CDH13: variants seen among roughly 807,000 people sequenced by gnomAD.
CDH13 encodes the protein cadherin 13.
In CDH13, 24 loss-of-function variants were observed where a neutral mutation model predicts 63.8. That is an observed-to-expected ratio of 0.38 (90% CI 0.27 to 0.53). The LOEUF (loss-of-function observed/expected upper bound fraction) is 0.53, where lower values mean the gene tolerates loss of function less well. CDH13 is among the 20% of genes least tolerant of loss of function. CDH13 has a pLI of 0.85. For synonymous variants in CDH13, 503 were observed against 355.3 expected, an observed-to-expected ratio of 1.42 and a Z score of -4.67; for missense variants, 1,049 against 903.1, an observed-to-expected ratio of 1.16 and a Z score of -2.07.
chr16:83,208,592 G>C (rs761638390), intron 4 of CDH13, among the ~76,000 whole-genome samples: 1 of 151,982 alleles, frequency 6.6e-6, no homozygotes, highest in African/African-American at 2.4e-5. Flanking sequence ...AGTAATATAG[G>C]CTCATTTTAT....
intron 7 of CDH13, among the ~76,000 whole-genome samples, chr16:83,522,757 C>T (rs1243110628): frequency 6.6e-6 from 1 of 152,192 alleles, no homozygotes; most frequent in African/African-American, 2.4e-5. Flanking sequence ...TCAGACTGGC[C>T]TGAATTCAGC....
chr16:83,410,946 GTGCTTCCAGTCTT>G (rs1415052965), intron 6 of CDH13, among the ~76,000 whole-genome samples: 4 of 152,182 alleles, frequency 2.6e-5, no homozygotes, highest in Non-Finnish European at 5.9e-5. Context: ...TTAACTGTCA[GTGCTTCCAGTCTT>G]TGCCGAAATA....
At chr16:82,718,039 G>T (rs980971484) in intron 1 of CDH13, among the ~76,000 whole-genome samples, 1 of 152,356 alleles carries the variant, frequency 6.6e-6, no homozygotes, top group East Asian at 1.9e-4. Context: ...ACCCTGCAAC[G>T]ATGATTTGTG....
intron 1 of CDH13, among the ~76,000 whole-genome samples, chr16:82,650,746 C>G (rs945811864): frequency 3.3e-5 from 5 of 152,214 alleles, no homozygotes; most frequent in Admixed American, 2.0e-4. Flanking sequence ...AAGAAGCATT[C>G]TCTCTGAGGC....
chr16:82,792,950 A>C (rs116669884), intron 1 of CDH13, among the ~76,000 whole-genome samples: 1,601 of 152,346 alleles, frequency 0.011, 26 homozygotes, highest in African/African-American at 0.037. Flanking sequence ...TTGGACTGTT[A>C]TGCGAGGAAA....
intron 8 of CDH13, among the ~76,000 whole-genome samples, chr16:83,647,520 AT>A (rs1363739644): frequency 6.6e-6 from 1 of 152,006 alleles, no homozygotes; most frequent in Non-Finnish European, 1.5e-5. Flanking sequence ...AAATGTGTGT[AT>A]GTGTGTGCAT....
chr16:82,945,891 A>G (rs1250966297), intron 2 of CDH13, among the ~76,000 whole-genome samples: 1 of 151,928 alleles, frequency 6.6e-6, no homozygotes, highest in African/African-American at 2.4e-5. Flanking sequence ...TCCTAGGGAC[A>G]CTCTCAGTTC....
At chr16:83,460,772 T>C (rs1461394845) in intron 6 of CDH13, among the ~76,000 whole-genome samples, 1 of 151,792 alleles carries the variant, frequency 6.6e-6, no homozygotes, top group Non-Finnish European at 1.5e-5. Context: ...GGCGGGAGGA[T>C]TGCTTTAGCC....
At chr16:83,721,216 G>T (rs962761886) in intron 10 of CDH13, 1 of 152,170 alleles carries the variant, frequency 6.6e-6, no homozygotes, top group South Asian at 2.1e-4. Flanking sequence ...TTTAATTGGG[G>T]GTTGGCAGTC....
At chr16:83,277,357 A>C (rs2089024436) in intron 5 of CDH13, among the ~76,000 whole-genome samples, 1 of 151,906 alleles carries the variant, frequency 6.6e-6, no homozygotes, top group Non-Finnish European at 1.5e-5. Flanking sequence ...TTTATTAAAA[A>C]CTCAGATGCC....
intron 4 of CDH13, among the ~76,000 whole-genome samples, chr16:83,138,566 G>A (rs1258580522): frequency 6.6e-6 from 1 of 152,188 alleles, no homozygotes; most frequent in East Asian, 1.9e-4. Flanking sequence ...AAGTGGCTGT[G>A]ATGCAAGGAG....
At chr16:83,697,178 G>A (rs1905518533) in intron 10 of CDH13, among the ~76,000 whole-genome samples, 1 of 152,288 alleles carries the variant, frequency 6.6e-6, no homozygotes, top group South Asian at 2.1e-4. Flanking sequence ...GCGCTTTCAT[G>A]GTTATTCTTG....
At chr16:83,453,589 G>A (rs1459505755) in intron 6 of CDH13, among the ~76,000 whole-genome samples, 3 of 152,112 alleles carry the variant, frequency 2.0e-5, no homozygotes. Flanking sequence ...GAAGTGGACG[G>A]AGTCAGGGCT....
At chr16:83,061,271 C>A (rs2031525183) in intron 3 of CDH13, among the ~76,000 whole-genome samples, 1 of 152,286 alleles carries the variant, frequency 6.6e-6, no homozygotes, top group East Asian at 1.9e-4. Context: ...GGAGATAACT[C>A]AAGAGGTGAC....
At chr16:83,582,952 C>G (rs923229046) in intron 7 of CDH13, among the ~76,000 whole-genome samples, 1 of 152,184 alleles carries the variant, frequency 6.6e-6, no homozygotes, top group African/African-American at 2.4e-5. Context: ...TCACCACCAA[C>G]TAGAGGGCAA....
chr16:83,234,527 C>A (rs2040090625), intron 5 of CDH13, among the ~76,000 whole-genome samples: 1 of 152,172 alleles, frequency 6.6e-6, no homozygotes, highest in African/African-American at 2.4e-5. Flanking sequence ...CAGATTCCTG[C>A]TCCAGTGCAA....
chr16:83,707,809 C>G (rs1372385023), intron 10 of CDH13, among the ~76,000 whole-genome samples: 1 of 122,000 alleles, frequency 8.2e-6, no homozygotes, highest in African/African-American at 3.2e-5. Context: ...CTGAGTGGGA[C>G]TCATCTTTGG....
intron 1 of CDH13, among the ~76,000 whole-genome samples, chr16:82,756,460 C>G (rs57070790): frequency 0.02 from 3,073 of 152,274 alleles, 106 homozygotes; most frequent in African/African-American, 0.069. Flanking sequence ...GCTCCTTTAA[C>G]CTGCGTGGCA....
At chr16:83,616,800 G>C (rs1909320457) in intron 8 of CDH13, among the ~76,000 whole-genome samples, 1 of 152,130 alleles carries the variant, frequency 6.6e-6, no homozygotes, top group East Asian at 1.9e-4. Flanking sequence ...GTAAGATCAT[G>C]GGTCTGATGC....
Sources: gnomAD v4.1 joint callset for allele counts (sites outside exome capture counted in the v4.1 genomes callset) on GRCh38, gnomAD v4.1.1 for gene constraint, MANE v1.5 for transcripts, NCBI Gene and HGNC (gene_info 2026-07-23, HGNC 2026-07-21) for gene names.